The following SCN3A variants were observed in gnomAD, a reference collection of about 807,000 sequenced individuals.
SCN3A encodes sodium channel protein type 3 subunit alpha.
SCN3A carries 60 observed loss-of-function variants against 187.6 expected under a neutral mutation model. That is an observed-to-expected ratio of 0.32 (90% CI 0.26 to 0.40). The LOEUF (loss-of-function observed/expected upper bound fraction) is 0.40. Among genes scored for constraint, SCN3A ranks in the 10% least tolerant of loss-of-function variants. The pLI, the probability that SCN3A is intolerant of heterozygous loss-of-function variation, is 1.00. For synonymous variants in SCN3A, 788 were observed against 829.2 expected, an observed-to-expected ratio of 0.95 and a Z score of 0.85; for missense variants, 1,601 against 2,428.2, an observed-to-expected ratio of 0.66 and a Z score of 7.16.
intron 2 of SCN3A, among the ~76,000 whole-genome samples, chr2:165,179,994 C>T (rs1690736403): frequency 6.6e-6 from 1 of 151,762 alleles, no homozygotes; most frequent in Non-Finnish European, 1.5e-5. Context: ...TATTAAAATA[C>T]ATAAAATTTA....
Position 165,124,839 on chromosome 2 carries a change from T to A in SCN3A, c.3393+2792A>T, listed in dbSNP as rs183644562. Among the ~76,000 whole-genome samples the A allele has an allele frequency of 1.1e-4, 16 of 152,316 alleles. No homozygotes were observed. In the East Asian group the frequency reaches 2.5e-3, roughly 24 times the overall value. On this transcript the variant is annotated intron_variant, in intron 18 of 27. Transcript: ENST00000283254. ...ATTTTATCACCTCATTGCTACCGAA[T>A]GATTATCACCATATTCCCCAAGATA... is the stretch of plus-strand genomic sequence containing the variant.
intron 11 of SCN3A, among the ~76,000 whole-genome samples, chr2:165,151,203 G>A (rs1574232027): frequency 6.6e-6 from 1 of 152,132 alleles, no homozygotes; most frequent in Non-Finnish European, 1.5e-5. Context: ...ACAACTCATT[G>A]CTGTATCTCC....
At chr2:165,094,167 A>C (rs1273824029) in intron 26 of SCN3A, 2 of 594,286 alleles carry the variant, frequency 3.4e-6, no homozygotes, top group Non-Finnish European at 6.0e-6. Context: ...TTCAACTCAC[A>C]AATTATAAAG....
chr2:165,170,831 A>T (rs759615133), intron 3 of SCN3A, among the ~76,000 whole-genome samples: 1 of 151,970 alleles, frequency 6.6e-6, no homozygotes, highest in Non-Finnish European at 1.5e-5. Context: ...AGCGTTACAG[A>T]TTCCAACTCT....
chr2:165,121,227 A>G (rs1425902072), intron 18 of SCN3A, among the ~76,000 whole-genome samples: 3 of 152,188 alleles, frequency 2.0e-5, no homozygotes, highest in Non-Finnish European at 2.9e-5. Context: ...TGTAACAGAG[A>G]AACTGAAAGC....
At chr2:165,131,856 GT>G (rs1216471793) in intron 15 of SCN3A, among the ~76,000 whole-genome samples, 3 of 150,004 alleles carry the variant, frequency 2.0e-5, no homozygotes, top group East Asian at 4.0e-4. Flanking sequence ...GTGGTGTTTG[GT>G]TTTTTGTCTT....
At position 165,151,549 on chromosome 2, in the gene SCN3A, G is replaced by A. The variant is rs1688683334; in HGVS notation, c.1380+2903C>T. Among the ~76,000 whole-genome samples the A allele has an allele frequency of 2.6e-5, 4 of 152,138 alleles. No homozygotes were observed. The South Asian group carries it at 6.2e-4, about 24-fold the overall frequency. ...TCAGATCAGGATGTTTTAAGATATT[G>A]GAAAATGGAAAAGCAAGCAAGTCAG... On this transcript the variant is annotated intron_variant, in intron 11 of 27. Coordinates refer to ENST00000283254, the MANE Select transcript of SCN3A (RefSeq NM_006922.4).
In SCN3A at chr2:165,089,489, G is replaced by A. The variant is rs1007639957; in HGVS notation, c.*661C>T. On this transcript the variant is annotated 3_prime_UTR_variant, in exon 28 of 28. Coordinates refer to ENST00000283254, the MANE Select transcript of SCN3A (RefSeq NM_006922.4). ...CATAAAAATAATCCTTTAAATATTA[G>A]AGGAGACTTTACAGGCACATAACTG... The A allele has an allele frequency of 2.0e-5, 3 of 152,572 alleles. No homozygotes were observed. Among genetic ancestry groups the A allele is most frequent in the Non-Finnish European group, 4.4e-5 (3 of 68,034 alleles). 9.5% of individuals were successfully genotyped at this position (152,572 alleles called of 1,614,324 possible).
intron 21 of SCN3A, among the ~76,000 whole-genome samples, chr2:165,104,008 ATTG>A (rs1272114626): frequency 6.6e-6 from 1 of 152,054 alleles, no homozygotes; most frequent in Non-Finnish European, 1.5e-5. Context: ...TTGCAGATAT[ATTG>A]TTGTTATCTT....
chr2:165,127,515 C>A (rs1687064620), intron 18 of SCN3A, 116 bp downstream of exon 18: 1 of 807,446 alleles, frequency 1.2e-6, no homozygotes, highest in Non-Finnish European at 2.1e-6. Context: ...TCACTATAGA[C>A]ATATGACTTT....
At chr2:165,143,825 T>G (rs529563766) in intron 12 of SCN3A, among the ~76,000 whole-genome samples, 1 of 152,092 alleles carries the variant, frequency 6.6e-6, no homozygotes, top group Non-Finnish European at 1.5e-5. Flanking sequence ...CAGTCATGCA[T>G]GTAGGGTTTG....
intron 12 of SCN3A, among the ~76,000 whole-genome samples, chr2:165,145,344 T>C (rs1282628547): frequency 6.6e-6 from 1 of 152,114 alleles, no homozygotes; most frequent in African/African-American, 2.4e-5. Context: ...AGGAACCAAG[T>C]TGCCCTTCAG....
intron 17 of SCN3A, 94 bp downstream of exon 17, chr2:165,129,846 C>A: frequency 3.3e-6 from 5 of 1,495,744 alleles, no homozygotes; most frequent in Non-Finnish European, 4.7e-6. Context: ...AGGCCACTTA[C>A]TATAAACCAG....
intron 18 of SCN3A, among the ~76,000 whole-genome samples, chr2:165,120,944 T>A (rs778593988): frequency 2.0e-5 from 3 of 151,836 alleles, no homozygotes; most frequent in Admixed American, 6.6e-5. Context: ...ACATGGTATG[T>A]GAAACTGAAA....
Position 165,130,124 on chromosome 2 carries a change from C to G in SCN3A, c.2738G>C (p.Cys913Ser). The change falls in exon 17 of 28, where the codon TGC becomes TCC. Residue 913 changes from cysteine to serine, a missense_variant. Cys to Ser is a moderately radical substitution (Grantham distance 112, BLOSUM62 -1). Coordinates refer to ENST00000283254, the MANE Select transcript of SCN3A (RefSeq NM_006922.4). ...GAGCGTACAGTCATCATTGATCTTG[C>G]AGACACATTCTTTGTAGCTCTTACC... is the stretch of plus-strand genomic sequence containing the variant. The part of the protein sequence containing the change: ...LFGKSYKECV[C>S]KINDDCTLPR... 6.2e-7 allele frequency: 1 copy of G among 1,614,138 alleles called. No individual in the cohort carries two copies.
At chr2:165,161,694 G>A (rs1689407653) in intron 9 of SCN3A, among the ~76,000 whole-genome samples, 1 of 152,100 alleles carries the variant, frequency 6.6e-6, no homozygotes, top group Non-Finnish European at 1.5e-5. Context: ...AATATTTAAG[G>A]GTTAGAGAAT....
chr2:165,181,185 T>C (rs1007579069), intron 2 of SCN3A, among the ~76,000 whole-genome samples: 1 of 152,208 alleles, frequency 6.6e-6, no homozygotes, highest in African/African-American at 2.4e-5. Context: ...TATGTTGTTT[T>C]ATTGAAATAT....
At chr2:165,174,944 G>A (rs1231044334) in intron 3 of SCN3A, among the ~76,000 whole-genome samples, 1 of 152,182 alleles carries the variant, frequency 6.6e-6, no homozygotes, top group African/African-American at 2.4e-5. Flanking sequence ...CCATGTAACA[G>A]CCTGATGATT....
intron 1 of SCN3A, among the ~76,000 whole-genome samples, chr2:165,196,328 G>A (rs951680041): frequency 8.6e-5 from 13 of 151,988 alleles, no homozygotes; most frequent in Admixed American, 5.3e-4. Flanking sequence ...TATTACAGAA[G>A]CACCAGCGAC....
Sources: allele counts gnomAD v4.1 joint callset (sites outside exome capture counted in the v4.1 genomes callset), GRCh38; gene constraint gnomAD v4.1.1; transcripts MANE v1.5; gene names NCBI Gene and HGNC (gene_info 2026-07-23, HGNC 2026-07-21).